STX12: variants seen among roughly 807,000 people sequenced by gnomAD.
STX12 encodes the protein syntaxin-12.
In STX12, 17 loss-of-function variants were observed where a neutral mutation model predicts 42.2. The observed-to-expected ratio is 0.40, with a 90% CI of 0.28 to 0.60. The LOEUF is 0.60. Among genes scored for constraint, STX12 ranks in the 20% least tolerant of loss-of-function variants. The probability of loss-of-function intolerance (pLI) is 0.39; values close to 1 mark genes in which losing one functional copy is unlikely to be tolerated. For synonymous variants in STX12, 108 were observed against 116.7 expected, an observed-to-expected ratio of 0.93 and a Z score of 0.48; for missense variants, 297 against 330.9, an observed-to-expected ratio of 0.90 and a Z score of 0.79.
In STX12 at chr1:27,806,064, C is replaced by T. The variant is rs535112235; in HGVS notation, c.427-4182C>T. Among the ~76,000 whole-genome samples, 17 of 152,128 alleles carry T rather than the reference C, an allele frequency of 1.1e-4. No homozygotes were observed. In the East Asian group the frequency reaches 2.7e-3, roughly 24 times the overall value. On this transcript the variant is annotated intron_variant, in intron 4 of 8. Coordinates refer to ENST00000373943, the MANE Select transcript of STX12 (RefSeq NM_177424.3). ...TGAGTTATGCAGCTCTTCCAAATGT[C>T]GATACATTTCATTTTACAATATAAA...
At chr1:27,811,539 G>C (rs2148606363) in intron 5 of STX12, among the ~76,000 whole-genome samples, 1 of 151,932 alleles carries the variant, frequency 6.6e-6, no homozygotes. Flanking sequence ...GTTTTGCTAT[G>C]TTAGCCAGGT....
chr1:27,806,068 A>G (rs745310426), intron 4 of STX12, among the ~76,000 whole-genome samples: 4 of 152,230 alleles, frequency 2.6e-5, no homozygotes, highest in Non-Finnish European at 5.9e-5. Flanking sequence ...AAATGTCGAT[A>G]CATTTCATTT....
intron 4 of STX12, among the ~76,000 whole-genome samples, chr1:27,805,990 A>G (rs1303467772): frequency 1.3e-5 from 2 of 152,200 alleles, no homozygotes; most frequent in East Asian, 1.9e-4. Flanking sequence ...TTATCCATGC[A>G]TGATTTTTAT....
chr1:27,812,139 C>T (rs1411413833), intron 5 of STX12, 24 bp from the exon 6 acceptor site: 1 of 1,541,572 alleles, frequency 6.5e-7, no homozygotes, highest in East Asian at 2.4e-5. Context: ...GGAGAAATCA[C>T]CTAGTGTGCC....
chr1:27,774,364 G>A (rs949992463), intron 1 of STX12, among the ~76,000 whole-genome samples: 1 of 152,118 alleles, frequency 6.6e-6, no homozygotes, highest in African/African-American at 2.4e-5. Flanking sequence ...GAGATCAGCA[G>A]CAGCTTTACT....
chr1:27,814,639 T>G (rs2088928025), intron 6 of STX12, among the ~76,000 whole-genome samples: 1 of 151,980 alleles, frequency 6.6e-6, no homozygotes, highest in Admixed American at 6.6e-5. Flanking sequence ...ACCTGAGGTC[T>G]GGAGTTCAAG....
chr1:27,787,177 G>T (rs2088704479), intron 1 of STX12, among the ~76,000 whole-genome samples: 1 of 152,142 alleles, frequency 6.6e-6, no homozygotes, highest in Admixed American at 6.6e-5. Context: ...AATCTGAAGT[G>T]CTACCAGCCT....
In STX12 at chr1:27,812,217, G is replaced by A; in HGVS notation, c.525G>A (p.Glu175=). 27 of 1,561,776 alleles carry A rather than the reference G, an allele frequency of 1.7e-5. No homozygotes were observed. Among genetic ancestry groups the A allele is most frequent in the Non-Finnish European group, 2.0e-5 (23 of 1,152,114 alleles). The change falls in exon 6 of 9, where the codon GAG becomes GAA. Residue 175 remains glutamate (E), a synonymous_variant. Coordinates refer to ENST00000373943, the MANE Select transcript of STX12 (RefSeq NM_177424.3). ...QSQEDEVAIT[E]QDLELIKERE... Reference sequence around the variant, plus strand: ...AGGAGGATGAGGTGGCCATCACTGAGCAGGATTTGGAACTTATTAAAGAAA... The same window carrying A: ...AGGAGGATGAGGTGGCCATCACTGAACAGGATTTGGAACTTATTAAAGAAA...
intron 6 of STX12, among the ~76,000 whole-genome samples, chr1:27,814,028 G>C (rs1400069552): frequency 6.6e-6 from 1 of 152,092 alleles, no homozygotes; most frequent in Non-Finnish European, 1.5e-5. Flanking sequence ...AGCCTCCTGA[G>C]TAGCAAAGAT....
chr1:27,810,150 A>T (rs1003649532), intron 4 of STX12, 96 bp from the exon 5 acceptor site: 53 of 1,079,364 alleles, frequency 4.9e-5, no homozygotes, highest in Non-Finnish European at 4.8e-5. Context: ...GTGTCAAAGG[A>T]TGTTGCTTCT....
chr1:27,807,810 A>C (rs2088873557), intron 4 of STX12, among the ~76,000 whole-genome samples: 1 of 152,240 alleles, frequency 6.6e-6, no homozygotes, highest in Admixed American at 6.5e-5. Context: ...AGAATGGATA[A>C]ATTGTGTTAT....
intron 3 of STX12, among the ~76,000 whole-genome samples, chr1:27,799,489 G>GTTTTTTT (rs1301649143): frequency 4.7e-5 from 6 of 127,728 alleles, no homozygotes; most frequent in African/African-American, 1.9e-4. Context: ...TTTTTTTTTT[G>GTTTTTTT]TTTTTTTTTT....
chr1:27,789,981 C>CT (rs1405560972), intron 2 of STX12, among the ~76,000 whole-genome samples: 1 of 152,066 alleles, frequency 6.6e-6, no homozygotes, highest in Non-Finnish European at 1.5e-5. Context: ...ATGATCTAGT[C>CT]TAACTGGATT....
rs75940331 is a variant in STX12 at position 27,792,317 on chromosome 1, G to T, written c.189-1216G>T. Among the ~76,000 whole-genome samples, 842 of 92,372 alleles carry T rather than the reference G, an allele frequency of 9.1e-3. 165 individuals are homozygous for T. Among genetic ancestry groups the T allele is most frequent in the African/African-American group, 0.069 (562 of 8,192 alleles). The allele number at this position is 92,372 out of a possible 152,430, so 60.6% of individuals were successfully genotyped here. On this transcript the variant is annotated intron_variant, in intron 2 of 8. Coordinates refer to ENST00000373943, the MANE Select transcript of STX12 (RefSeq NM_177424.3). ...ATATATATGTATCTATATATATGTA[G>T]ATACATATATATGTATCTATATATA... is the stretch of plus-strand genomic sequence containing the variant.
Position 27,806,573 on chromosome 1 carries a change from C to T in STX12, c.427-3673C>T, listed in dbSNP as rs1029355960. 3.9e-5 allele frequency among the ~76,000 whole-genome samples: 6 copies of T among 152,202 alleles called. No individual in the cohort carries two copies. The East Asian group carries it at 1.2e-3, about 29-fold the overall frequency. On this transcript the variant is annotated intron_variant, in intron 4 of 8. Transcript: ENST00000373943. The stretch of plus-strand genomic sequence containing the variant: ...AAGGTTTAATTAATAATTTGTATGG[C>T]TTCAAGAATACATTGGCTTTTAAAA...
chr1:27,780,250 C>T (rs1362371139), intron 1 of STX12, among the ~76,000 whole-genome samples: 10 of 122,536 alleles, frequency 8.2e-5, no homozygotes, highest in Non-Finnish European at 3.2e-5. Flanking sequence ...TGCTCTGTTT[C>T]CCAGGCTGGA....
chr1:27,790,509 T>C (rs1239547434), intron 2 of STX12, among the ~76,000 whole-genome samples: 1 of 152,216 alleles, frequency 6.6e-6, no homozygotes, highest in Admixed American at 6.5e-5. Context: ...TTTACAATCC[T>C]AGCTACAGAG....
At chr1:27,800,733 G>A (rs1425102065) in intron 3 of STX12, among the ~76,000 whole-genome samples, 1 of 151,798 alleles carries the variant, frequency 6.6e-6, no homozygotes, top group Non-Finnish European at 1.5e-5. Flanking sequence ...TGCTCAGGCT[G>A]GTCTTGAACT....
chr1:27,795,087 A>T (rs148029824), intron 3 of STX12, among the ~76,000 whole-genome samples: 128 of 152,266 alleles, frequency 8.4e-4, no homozygotes, highest in African/African-American at 2.8e-3. Context: ...GGCTCTGAAG[A>T]CAAAGCCTTT....
Sources: allele counts gnomAD v4.1 joint callset (sites outside exome capture counted in the v4.1 genomes callset), GRCh38; gene constraint gnomAD v4.1.1; transcripts MANE v1.5; gene names NCBI Gene and HGNC (gene_info 2026-07-23, HGNC 2026-07-21).